Variants in COLEC10 observed in about 807,000 individuals in gnomAD.
COLEC10 encodes collectin-10.
Under a neutral mutation model 28.4 loss-of-function variants are expected in COLEC10, and 22 were observed. The ratio of observed to expected loss-of-function variants is 0.78; its 90% CI spans 0.55 to 1.11. The LOEUF (loss-of-function observed/expected upper bound fraction) is 1.11, where lower values mean the gene tolerates loss of function less well. Among genes scored for constraint, COLEC10 ranks in the 50% least tolerant of loss-of-function variants. The probability of loss-of-function intolerance (pLI) is 0.00; values close to 1 mark genes in which losing one functional copy is unlikely to be tolerated. For synonymous variants in COLEC10, 125 were observed against 116.1 expected, an observed-to-expected ratio of 1.08 and a Z score of -0.49; for missense variants, 361 against 344.1, an observed-to-expected ratio of 1.05 and a Z score of -0.39.
At chr8:119,060,870 CA>C (rs1313119583) in intron 2 of COLEC10, among the ~76,000 whole-genome samples, 14 of 152,050 alleles carry the variant, frequency 9.2e-5, no homozygotes, top group Admixed American at 2.0e-4. Flanking sequence ...GTAGGATATC[CA>C]GATGTTTTAT....
chr8:118,953,443 G>A, the COLEC10 span, among the ~76,000 whole-genome samples: 7 of 152,162 alleles, frequency 4.6e-5, no homozygotes, highest in Non-Finnish European at 2.9e-5. Flanking sequence ...AGTAATGTTT[G>A]TCTAGGATAT....
intron 2 of COLEC10, among the ~76,000 whole-genome samples, chr8:119,023,635 A>G (rs1405057344): frequency 1.3e-5 from 2 of 152,186 alleles, no homozygotes; most frequent in African/African-American, 2.4e-5. Flanking sequence ...AATTTTAGTT[A>G]TGTTGAAAGA....
rs183197931 is a variant in COLEC10, at chr8:119,008,894, C to G, written n.123-547C>G. On this transcript the variant is annotated intron_variant and non_coding_transcript_variant, in intron 1 of 6. Coordinates refer to the COLEC10 transcript ENST00000521788. ...GTGTGAAGGAAAACGTTATCTAGCA[C>G]AGTGCCTGGCACATAACAGGCACCC... Among the ~76,000 whole-genome samples, 1,075 of 151,272 alleles carry G rather than the reference C, an allele frequency of 7.1e-3. 17 individuals carry two copies. Among genetic ancestry groups the G allele is most frequent in the Middle Eastern group, 0.041 (12 of 294 alleles).
At chr8:119,053,688 G>GT (rs373967539) in intron 2 of COLEC10, among the ~76,000 whole-genome samples, 2 of 140,998 alleles carry the variant, frequency 1.4e-5, no homozygotes, top group South Asian at 4.4e-4. Context: ...AAAAAAGGTG[G>GT]GGGGGGCTTA....
chr8:119,014,555 G>A lies in COLEC10; in HGVS notation n.235+5002G>A, dbSNP rs993892383. 9.3e-5 allele frequency among the ~76,000 whole-genome samples: 14 copies of A among 150,254 alleles called. 1 individual carries two copies. The highest frequency in any genetic ancestry group is 3.2e-4 in the African/African-American group (13 of 40,030). ...TCCTAGATGTAGTTTTTGTTTGTCT[G>A]CTTGACATTTATCCTCCTTGGTTTC... On this transcript the variant is annotated intron_variant and non_coding_transcript_variant, in intron 2 of 6. Transcript: ENST00000521788.
the COLEC10 span, among the ~76,000 whole-genome samples, chr8:118,984,022 G>T: frequency 6.8e-6 from 1 of 147,558 alleles, no homozygotes; most frequent in Non-Finnish European, 1.5e-5. Context: ...CTACTATAAA[G>T]ACATGCATAA....
At chr8:119,104,524 T>C (rs1815900832) in intron 5 of COLEC10, among the ~76,000 whole-genome samples, 2 of 152,136 alleles carry the variant, frequency 1.3e-5, no homozygotes, top group South Asian at 4.1e-4. Context: ...ATGCTAGTTA[T>C]CAGAAAAGCC....
At chr8:118,960,784 T>TG in the COLEC10 span, among the ~76,000 whole-genome samples, 79 of 56,584 alleles carry the variant, frequency 1.4e-3, no homozygotes, top group African/African-American at 9.7e-3. Flanking sequence ...TGAGACTCTG[T>TG]GAAAAAAAAA....
chr8:119,081,195 T>C (rs1815360321), intron 1 of COLEC10, among the ~76,000 whole-genome samples: 1 of 152,164 alleles, frequency 6.6e-6, no homozygotes, highest in African/African-American at 2.4e-5. Context: ...GCAATTTACA[T>C]AGCCAAGAAC....
At chr8:118,995,346 T>C (rs1412593672), upstream of COLEC10, 1 of 152,148 alleles carries the variant, frequency 6.6e-6, no homozygotes, top group Non-Finnish European at 1.5e-5. Flanking sequence ...TTTTTCCCTC[T>C]CTCCACAGAT....
At chr8:118,953,054 G>A in the COLEC10 span, among the ~76,000 whole-genome samples, 12 of 152,248 alleles carry the variant, frequency 7.9e-5, no homozygotes, top group African/African-American at 2.9e-4. Context: ...ATCAGGAGAG[G>A]GGACCCCTGG....
intron 2 of COLEC10, among the ~76,000 whole-genome samples, chr8:119,041,027 A>C (rs1814485105): frequency 6.6e-6 from 1 of 152,244 alleles, no homozygotes; most frequent in Admixed American, 6.5e-5. Flanking sequence ...TCCCAATCAC[A>C]GGGGATTTTA....
rs1250359009 is a variant in COLEC10 at position 119,091,595 on chromosome 8, G to GAGAGAGAGAAAGAA, written c.292+378_292+379insGAGAGAAAGAAAGA. ...AGAAAGAGAGAGAGAGAGAGAGAGA[G>GAGAGAGAGAAAGAA]AGAAAGAAAGAAAGAAAGAAAGAAA... On this transcript the variant is annotated intron_variant, in intron 3 of 5. Transcript: ENST00000332843. 1.5e-3 allele frequency among the ~76,000 whole-genome samples: 210 copies of GAGAGAGAGAAAGAA among 138,508 alleles called. 3 individuals carry two copies. In the East Asian group the frequency reaches 0.028, roughly 18 times the overall value. The allele number at this position is 138,508 out of a possible 152,430, so 90.9% of individuals were successfully genotyped here. A position where few individuals can be genotyped will look rare whatever the true frequency, so the allele number is the denominator to read the frequency against.
intron 2 of COLEC10, among the ~76,000 whole-genome samples, chr8:119,028,471 T>A (rs1158537431): frequency 6.6e-6 from 1 of 152,120 alleles, no homozygotes; most frequent in Non-Finnish European, 1.5e-5. Flanking sequence ...AGGTACTTCT[T>A]ACATGGTAGC....
intron 1 of COLEC10, among the ~76,000 whole-genome samples, chr8:119,069,433 A>G (rs1225795402): frequency 6.6e-6 from 1 of 150,878 alleles, no homozygotes; most frequent in African/African-American, 2.4e-5. Flanking sequence ...CATCTCTACA[A>G]AAAATTAAAA....
the COLEC10 span, among the ~76,000 whole-genome samples, chr8:118,955,927 G>T: frequency 6.6e-6 from 1 of 152,192 alleles, no homozygotes; most frequent in Admixed American, 6.5e-5. Flanking sequence ...TTTTAAGCAT[G>T]GGAGTGTGTC....
chr8:118,953,667 G>T, the COLEC10 span, among the ~76,000 whole-genome samples: 1 of 152,088 alleles, frequency 6.6e-6, no homozygotes, highest in African/African-American at 2.4e-5. Flanking sequence ...TATAAATGAT[G>T]GTAATCACTA....
At chr8:119,026,685 G>A (rs1814198000) in intron 2 of COLEC10, among the ~76,000 whole-genome samples, 1 of 151,652 alleles carries the variant, frequency 6.6e-6, no homozygotes, top group Non-Finnish European at 1.5e-5. Flanking sequence ...AAATAGTGCT[G>A]TTGAGATCAA....
chr8:119,025,903 T>G, intron 2 of COLEC10, among the ~76,000 whole-genome samples: 1 of 152,120 alleles, frequency 6.6e-6, no homozygotes, highest in African/African-American at 2.4e-5. Context: ...ACACAGCAAT[T>G]TAGTTTATGC....
Sources: allele counts gnomAD v4.1 joint callset (sites outside exome capture counted in the v4.1 genomes callset), GRCh38; gene constraint gnomAD v4.1.1; transcripts MANE v1.5; gene names NCBI Gene and HGNC (gene_info 2026-07-23, HGNC 2026-07-21).